The following STAG1 variants were observed in gnomAD, a reference collection of about 807,000 sequenced individuals.
The protein encoded by STAG1 is cohesin subunit SA-1.
A neutral mutation model predicts 170.9 loss-of-function variants in STAG1; 26 were observed. The ratio of observed to expected loss-of-function variants is 0.15; its 90% CI spans 0.11 to 0.21. The LOEUF (loss-of-function observed/expected upper bound fraction) is 0.21. Ranked by LOEUF, STAG1 falls within the 10% of genes least tolerant of loss-of-function variation. STAG1 has a pLI of 1.00. For synonymous variants in STAG1, 514 were observed against 497.7 expected, an observed-to-expected ratio of 1.03 and a Z score of -0.44; for missense variants, 964 against 1,509.5, an observed-to-expected ratio of 0.64 and a Z score of 5.99.
chr3:136,533,020 A>T (rs1372812198), intron 6 of STAG1, among the ~76,000 whole-genome samples: 1 of 152,204 alleles, frequency 6.6e-6, no homozygotes, highest in Non-Finnish European at 1.5e-5. Flanking sequence ...AGAAGAACCC[A>T]AAGCCTCTAC....
At chr3:136,619,026 T>C (rs539503684) in intron 3 of STAG1, among the ~76,000 whole-genome samples, 42 of 152,268 alleles carry the variant, frequency 2.8e-4, no homozygotes, top group Non-Finnish European at 5.4e-4. Context: ...TACATGTGTA[T>C]ATGTGTGTAC....
chr3:136,521,508 T>A, intron 6 of STAG1, 91 bp from the exon 7 acceptor site: 1 of 1,088,518 alleles, frequency 9.2e-7, no homozygotes, highest in Non-Finnish European at 1.3e-6. Flanking sequence ...AGGAACCCTT[T>A]TTTGCAAAGC....
Position 136,623,258 on chromosome 3 carries a change from G to A in STAG1, c.30-10C>T. 6.2e-7 allele frequency: 1 copy of A among 1,607,980 alleles called. No individual in the cohort carries two copies. Among genetic ancestry groups the A allele is most frequent in the Non-Finnish European group, 8.5e-7 (1 of 1,176,570 alleles). On this transcript the variant is annotated splice_polypyrimidine_tract_variant and intron_variant, in intron 2 of 33. Coordinates refer to ENST00000383202, the MANE Select transcript of STAG1 (RefSeq NM_005862.3). ...TTCATTAGTTGAATCCCTAGAAAAT[G>A]TTATATTATTTTAGCGAACAAATTA...
chr3:136,439,590 C>T (rs1321728367), intron 15 of STAG1, among the ~76,000 whole-genome samples: 1 of 152,044 alleles, frequency 6.6e-6, no homozygotes, highest in Non-Finnish European at 1.5e-5. Context: ...TTCCACCTAT[C>T]TAAAAAATTA....
intron 2 of STAG1, among the ~76,000 whole-genome samples, chr3:136,627,703 T>G (rs542361004): frequency 1.3e-5 from 2 of 152,208 alleles, no homozygotes; most frequent in Non-Finnish European, 2.9e-5. Context: ...CTTTGACCAA[T>G]TGCTCTTCAA....
At chr3:136,622,668 G>A (rs894214022) in intron 3 of STAG1, among the ~76,000 whole-genome samples, 1 of 152,114 alleles carries the variant, frequency 6.6e-6, no homozygotes, top group African/African-American at 2.4e-5. Context: ...ATCTTCTATA[G>A]GGTTTATGCA....
intron 4 of STAG1, among the ~76,000 whole-genome samples, chr3:136,578,517 C>T (rs1937525290): frequency 6.6e-6 from 1 of 152,224 alleles, no homozygotes; most frequent in South Asian, 2.1e-4. Flanking sequence ...AGCCCCCTGA[C>T]TGAAGGGGAA....
At chr3:136,581,832 G>T (rs191711770) in intron 4 of STAG1, among the ~76,000 whole-genome samples, 8 of 152,130 alleles carry the variant, frequency 5.3e-5, no homozygotes, top group Non-Finnish European at 8.8e-5. Flanking sequence ...AATATCAACA[G>T]TGGAAAAAAT....
chr3:136,500,760 G>A (rs982878380), intron 8 of STAG1, among the ~76,000 whole-genome samples: 1 of 152,150 alleles, frequency 6.6e-6, no homozygotes, highest in Admixed American at 6.5e-5. Flanking sequence ...ACAGACAGCA[G>A]GCCAAGTTCC....
intron 21 of STAG1, among the ~76,000 whole-genome samples, chr3:136,399,255 TAC>T (rs1184329362): frequency 1.3e-5 from 2 of 152,186 alleles, no homozygotes; most frequent in African/African-American, 4.8e-5. Context: ...ATATCAAATA[TAC>T]ATTTATGAGT....
At chr3:136,347,262 G>A (rs545552098) in intron 29 of STAG1, among the ~76,000 whole-genome samples, 78 of 151,232 alleles carry the variant, frequency 5.2e-4, no homozygotes, top group Non-Finnish European at 3.2e-4. Context: ...TGGGCGTGGC[G>A]GTGGGCACCT....
chr3:136,654,580 C>A (rs181957062), intron 1 of STAG1, among the ~76,000 whole-genome samples: 1 of 152,130 alleles, frequency 6.6e-6, no homozygotes, highest in Non-Finnish European at 1.5e-5. Context: ...AGATTCAATG[C>A]AAACCCTTTC....
chr3:136,454,411 C>T (rs1461666308), intron 13 of STAG1, among the ~76,000 whole-genome samples: 1 of 151,222 alleles, frequency 6.6e-6, no homozygotes, highest in Non-Finnish European at 1.5e-5. Context: ...TGAAGTCTCA[C>T]TCTGTCGGCC....
intron 1 of STAG1, among the ~76,000 whole-genome samples, chr3:136,722,180 A>G (rs755901800): frequency 4.6e-5 from 7 of 152,136 alleles, no homozygotes; most frequent in Non-Finnish European, 4.4e-5. Flanking sequence ...CCATGACTGC[A>G]TTCCAGCCTG....
intron 13 of STAG1, among the ~76,000 whole-genome samples, chr3:136,453,172 T>G (rs1032845631): frequency 6.6e-6 from 1 of 152,202 alleles, no homozygotes; most frequent in Non-Finnish European, 1.5e-5. Flanking sequence ...AACCCAATAG[T>G]TTTTAGTAAA....
intron 7 of STAG1, among the ~76,000 whole-genome samples, chr3:136,505,311 G>A (rs1933700938): frequency 6.6e-6 from 1 of 152,184 alleles, no homozygotes; most frequent in South Asian, 2.1e-4. Context: ...TTTAACTGCT[G>A]ACTATAAAAT....
intron 7 of STAG1, among the ~76,000 whole-genome samples, chr3:136,509,190 A>G (rs182268070): frequency 2.6e-5 from 4 of 152,344 alleles, no homozygotes; most frequent in Admixed American, 6.5e-5. Flanking sequence ...CTGCAGCTAG[A>G]TAGGTAGGTA....
chr3:136,373,996 A>C (rs574721064), intron 23 of STAG1, among the ~76,000 whole-genome samples: 44 of 152,248 alleles, frequency 2.9e-4, no homozygotes, highest in South Asian at 6.2e-4. Context: ...GTAGGTCACT[A>C]AGGACTTGCT....
chr3:136,544,608 C>CA (rs1936067056), intron 5 of STAG1, among the ~76,000 whole-genome samples: 1 of 151,578 alleles, frequency 6.6e-6, no homozygotes, highest in Admixed American at 6.6e-5. Flanking sequence ...ACTAAAAATA[C>CA]AAAAAAACAG....
Sources: allele counts gnomAD v4.1 joint callset (sites outside exome capture counted in the v4.1 genomes callset), GRCh38; gene constraint gnomAD v4.1.1; transcripts MANE v1.5; gene names NCBI Gene and HGNC (gene_info 2026-07-23, HGNC 2026-07-21).